PREX1: variants seen among roughly 807,000 people sequenced by gnomAD.
The protein encoded by PREX1 is phosphatidylinositol 3,4,5-trisphosphate-dependent Rac exchanger 1 protein.
In PREX1, 41 loss-of-function variants were observed where a neutral mutation model predicts 198.3. The ratio of observed to expected loss-of-function variants is 0.21; its 90% confidence interval spans 0.16 to 0.27. The LOEUF (loss-of-function observed/expected upper bound fraction) is 0.27, where lower values mean the gene tolerates loss of function less well. Ranked by LOEUF, PREX1 falls within the 10% of genes least tolerant of loss-of-function variation. The pLI is 1.00. For missense variants in PREX1, 1,620 were observed against 2,200.7 expected (o/e 0.74, Z 5.28); for synonymous variants, 843 against 887.2 (o/e 0.95, Z 0.89).
intron 1 of PREX1, among the ~76,000 whole-genome samples, chr20:48,759,903 G>A (rs1045685697): frequency 1.3e-5 from 2 of 151,964 alleles, no homozygotes. Context: ...CCAGGAGTTC[G>A]AGCAATCAAT....
At chr20:48,774,199 G>A (rs570193112) in intron 1 of PREX1, among the ~76,000 whole-genome samples, 4 of 152,336 alleles carry the variant, frequency 2.6e-5, no homozygotes, top group East Asian at 1.9e-4. Context: ...CAGACCGTCC[G>A]TCAGCAAATC....
chr20:48,653,336 C>T (rs742643), intron 20 of PREX1, 25 bp downstream of exon 20: 127,964 of 1,604,796 alleles, frequency 0.08, 8,839 homozygotes, highest in African/African-American at 0.36. Flanking sequence ...ACTTCTTTGA[C>T]GGCCCCGGTT....
At chr20:48,878,487 G>T in the PREX1 span, among the ~76,000 whole-genome samples, 1 of 152,042 alleles carries the variant, frequency 6.6e-6, no homozygotes, top group African/African-American at 2.4e-5. Flanking sequence ...TTACAGGCAC[G>T]TGCCACCACA....
At chr20:48,653,599 A>G in intron 19 of PREX1, 102 bp from the exon 20 acceptor site, 1 of 1,451,014 alleles carries the variant, frequency 6.9e-7, no homozygotes, top group South Asian at 1.3e-5. Context: ...AGACACGCGC[A>G]AGGACTCCAC....
chr20:48,757,381 T>C (rs1031820204), intron 1 of PREX1, among the ~76,000 whole-genome samples: 1 of 152,216 alleles, frequency 6.6e-6, no homozygotes, highest in African/African-American at 2.4e-5. Flanking sequence ...ACAGAGCAGA[T>C]GCCCAGTAAC....
intron 16 of PREX1, among the ~76,000 whole-genome samples, chr20:48,659,673 G>T (rs2089575510): frequency 6.6e-6 from 1 of 152,182 alleles, no homozygotes; most frequent in Non-Finnish European, 1.5e-5. Flanking sequence ...TGTACGGGGA[G>T]GGGACAGGAG....
intron 1 of PREX1, among the ~76,000 whole-genome samples, chr20:48,750,751 G>A (rs1458945460): frequency 6.6e-6 from 1 of 152,180 alleles, no homozygotes; most frequent in Non-Finnish European, 1.5e-5. Flanking sequence ...AGGAAACTGA[G>A]GTTAAGCAAT....
At chr20:48,840,364 A>G in the PREX1 span, among the ~76,000 whole-genome samples, 3 of 151,998 alleles carry the variant, frequency 2.0e-5, no homozygotes, top group Non-Finnish European at 4.4e-5. Flanking sequence ...AGAAAAAAAA[A>G]AGCATATTCT....
chr20:48,795,541 G>T (rs1209171597), intron 1 of PREX1, among the ~76,000 whole-genome samples: 1 of 151,914 alleles, frequency 6.6e-6, no homozygotes, highest in Admixed American at 6.6e-5. Flanking sequence ...CAATGCACAG[G>T]ATAGGATAAT....
intron 7 of PREX1, among the ~76,000 whole-genome samples, chr20:48,696,846 T>C (rs190095325): frequency 6.6e-6 from 1 of 152,188 alleles, no homozygotes; most frequent in African/African-American, 2.4e-5. Flanking sequence ...CAAGCAGATA[T>C]CAGCTCTTCC....
At chr20:48,869,653 A>T in the PREX1 span, among the ~76,000 whole-genome samples, 1 of 152,220 alleles carries the variant, frequency 6.6e-6, no homozygotes, top group Non-Finnish European at 1.5e-5. Context: ...ACCATGGAAT[A>T]CTATGCAGCC....
chr20:48,747,929 C>T, intron 1 of PREX1, 49 bp from the exon 2 acceptor site: 1 of 1,519,676 alleles, frequency 6.6e-7, no homozygotes, highest in South Asian at 1.2e-5. Flanking sequence ...TCCAGCTCTC[C>T]CATGGACGGC....
At chr20:48,685,312 G>A (rs1411880956) in intron 10 of PREX1, among the ~76,000 whole-genome samples, 1 of 152,186 alleles carries the variant, frequency 6.6e-6, no homozygotes, top group African/African-American at 2.4e-5. Flanking sequence ...AATACACACA[G>A]ATTTTATTCT....
chr20:48,762,059 C>G (rs1159259048), intron 1 of PREX1, among the ~76,000 whole-genome samples: 1 of 152,202 alleles, frequency 6.6e-6, no homozygotes, highest in Non-Finnish European at 1.5e-5. Context: ...GACTTCTGTC[C>G]TAGACACAGG....
At chr20:48,835,332 G>C in the PREX1 span, among the ~76,000 whole-genome samples, 1 of 152,224 alleles carries the variant, frequency 6.6e-6, no homozygotes, top group East Asian at 1.9e-4. Flanking sequence ...GACTAGAATA[G>C]TGAATAAAGC....
At chr20:48,733,723 T>TTGTTGTTGTTGTTGC (rs1455952730) in intron 4 of PREX1, among the ~76,000 whole-genome samples, 1 of 152,052 alleles carries the variant, frequency 6.6e-6, no homozygotes, top group Non-Finnish European at 1.5e-5. Context: ...GTTGTTGTTG[T>TTGTTGTTGTTGTTGC]TTTGCTTCTG....
At chr20:48,728,010 C>T (rs2090017481) in intron 4 of PREX1, among the ~76,000 whole-genome samples, 1 of 152,158 alleles carries the variant, frequency 6.6e-6, no homozygotes, top group African/African-American at 2.4e-5. Context: ...AGTGAATGAA[C>T]TAACCAACTA....
intron 3 of PREX1, among the ~76,000 whole-genome samples, chr20:48,741,961 C>T (rs1232381488): frequency 5.9e-5 from 9 of 152,150 alleles, no homozygotes; most frequent in African/African-American, 2.2e-4. Flanking sequence ...GATTTTATTC[C>T]AATGAGGCAG....
intron 38 of PREX1, 62 bp from the exon 39 acceptor site, chr20:48,627,677 T>TG: frequency 4.0e-6 from 2 of 498,364 alleles, no homozygotes; most frequent in African/African-American, 3.6e-5. Context: ...GGAAGCACAC[T>TG]GGGGGGTGGG....
Sources: gnomAD v4.1 joint callset for allele counts (sites outside exome capture counted in the v4.1 genomes callset) on GRCh38, gnomAD v4.1.1 for gene constraint, MANE v1.5 for transcripts, NCBI Gene and HGNC (gene_info 2026-07-23, HGNC 2026-07-21) for gene names.